PSMC6: variants seen among roughly 807,000 people sequenced by gnomAD.
The protein encoded by PSMC6 is proteasome 26S subunit, ATPase 6.
In PSMC6, 3 loss-of-function variants were observed where a neutral mutation model predicts 55.9. The ratio of observed to expected loss-of-function variants is 0.05; its 90% CI spans 0.02 to 0.14. The LOEUF is 0.14. Among genes scored for constraint, PSMC6 ranks in the 10% least tolerant of loss-of-function variants. The pLI is 1.00. For synonymous variants in PSMC6, 137 were observed against 155.9 expected (o/e 0.88, Z 0.90); for missense variants, 210 against 478.7 (o/e 0.44, Z 5.24).
chr14:52,716,305 A>C (rs182873924), intron 7 of PSMC6, among the ~76,000 whole-genome samples: 14 of 152,258 alleles, frequency 9.2e-5, no homozygotes, highest in Non-Finnish European at 1.8e-4. Context: ...AACTAAAAAT[A>C]GAATTACCAT....
intron 4 of PSMC6, chr14:52,709,067 AT>A: frequency 3.1e-6 from 1 of 322,666 alleles, no homozygotes; most frequent in Non-Finnish European, 5.6e-6. Context: ...AAATAAAAGT[AT>A]TTTAGAACTG....
At chr14:52,721,296 G>A (rs2041887778) in intron 12 of PSMC6, 106 bp downstream of exon 12, 1 of 983,890 alleles carries the variant, frequency 1.0e-6, no homozygotes, top group South Asian at 1.9e-5. Context: ...TTCAGCAAAT[G>A]TGGTGGTTTT....
intron 4 of PSMC6, 110 bp downstream of exon 4, chr14:52,708,926 C>A: frequency 6.7e-7 from 1 of 1,483,254 alleles, no homozygotes; most frequent in Non-Finnish European, 9.1e-7. Flanking sequence ...CCATAACTCA[C>A]AAGGATGATT....
chr14:52,708,594 A>C (rs1346785273), intron 3 of PSMC6, 72 bp downstream of exon 3: 1 of 1,553,214 alleles, frequency 6.4e-7, no homozygotes, highest in African/African-American at 1.4e-5. Context: ...AATGCTTATT[A>C]TTTTAATGAC....
chr14:52,720,253 A>C (rs1594852859), intron 10 of PSMC6, among the ~76,000 whole-genome samples: 1 of 141,978 alleles, frequency 7.0e-6, no homozygotes, highest in South Asian at 2.3e-4. Flanking sequence ...AAGCAGTCCC[A>C]GCTACTCAGG....
In PSMC6 at chr14:52,727,689, T is replaced by G; in HGVS notation, c.*72T>G. On this transcript the variant is annotated 3_prime_UTR_variant, in exon 14 of 14. Transcript: ENST00000445930. Reference sequence around the variant, plus strand: ...GTAAAAATAAAGTTAAAGAAAATAATGTATGTATTGGTAATGATGTCATTA... The same window carrying G: ...GTAAAAATAAAGTTAAAGAAAATAAGGTATGTATTGGTAATGATGTCATTA... 2.0e-6 allele frequency: 2 copies of G among 1,016,600 alleles called. No homozygotes were observed. Among genetic ancestry groups the G allele is most frequent in the East Asian group, 2.4e-5 (1 of 41,138 alleles). The allele number at this position is 1,016,600 out of a possible 1,614,324, so 63.0% of individuals were successfully genotyped here.
intron 9 of PSMC6, 39 bp from the exon 10 acceptor site, chr14:52,718,938 A>G (rs764336126): frequency 1.4e-6 from 2 of 1,473,728 alleles, no homozygotes; most frequent in Non-Finnish European, 1.9e-6. Flanking sequence ...TGTAGAGGAA[A>G]AGAGTAATGC....
At position 52,711,403 on chromosome 14, in the gene PSMC6, A is replaced by C; in HGVS notation, c.327-7A>C. ...TCAAAAGAAAAATACATACCTTTTC[A>C]TTCTAGATATTTGCCGAGAGAGGTG... On this transcript the variant is annotated splice_polypyrimidine_tract_variant and splice_region_variant and intron_variant, in intron 5 of 13. Transcript: ENST00000445930. The C allele has an allele frequency of 6.3e-7, 1 of 1,581,444 alleles. No homozygotes were observed. Among genetic ancestry groups the C allele is most frequent in the Non-Finnish European group, 8.7e-7 (1 of 1,154,800 alleles).
At chr14:52,725,426 G>A (rs1286940159) in intron 13 of PSMC6, among the ~76,000 whole-genome samples, 13 of 152,100 alleles carry the variant, frequency 8.5e-5, no homozygotes, top group Admixed American at 8.5e-4. Context: ...AGACTTGAAG[G>A]CTTTTTTGTT....
Position 52,718,395 on chromosome 14 carries a change from A to G in PSMC6, c.715+43A>G, listed in dbSNP as rs199958968. 3.8e-6 allele frequency: 6 copies of G among 1,569,282 alleles called. No individual in the cohort carries two copies. In the East Asian group the frequency reaches 9.0e-5, roughly 24 times the overall value. On this transcript the variant is annotated intron_variant, in intron 9 of 13. Transcript: ENST00000445930. ...GTTGAAAGTTTTAGGACTTTTTTTTAAATGTAAAAGAACCTTTTTCCCTCT... is the reference window on the plus strand; with the variant it reads ...GTTGAAAGTTTTAGGACTTTTTTTTGAATGTAAAAGAACCTTTTTCCCTCT...
chr14:52,719,057 G>T lies in PSMC6; in HGVS notation c.777+19G>T, dbSNP rs1395754178. 6.4e-7 allele frequency: 1 copy of T among 1,572,556 alleles called. No individual in the cohort carries two copies. The highest frequency in any genetic ancestry group is 1.1e-5 in the South Asian group (1 of 89,264). ...AATGGAGGTAATATTTGGTAAAGGG[G>T]GTTTATAAAGAAACCAATGTTTATT... On this transcript the variant is annotated intron_variant, in intron 10 of 13. Transcript: ENST00000445930.
At chr14:52,714,865 CAAAA>C (rs373579933) in intron 7 of PSMC6, among the ~76,000 whole-genome samples, 1 of 67,100 alleles carries the variant, frequency 1.5e-5, no homozygotes, top group Admixed American at 2.0e-4. Context: ...GACTCCTTCT[CAAAA>C]AAAAAAAAAA....
chr14:52,717,928 T>C (rs1393114475), intron 7 of PSMC6, among the ~76,000 whole-genome samples, 153 bp from the exon 8 acceptor site: 4 of 152,052 alleles, frequency 2.6e-5, no homozygotes, highest in Admixed American at 2.6e-4. Context: ...CTTGGGAGGC[T>C]GAGGTGGGAA....
At chr14:52,723,631 T>G in intron 12 of PSMC6, 1 of 226,394 alleles carries the variant, frequency 4.4e-6, no homozygotes, top group East Asian at 1.1e-4. Flanking sequence ...AAATCCAAGA[T>G]TTGATTACAG....
intron 13 of PSMC6, 97 bp downstream of exon 13, chr14:52,724,133 A>G (rs942778576): frequency 4.5e-5 from 52 of 1,162,284 alleles, no homozygotes; most frequent in Non-Finnish European, 6.0e-5. Flanking sequence ...AGACTTTGCA[A>G]GGATTTGGGT....
intron 4 of PSMC6, among the ~76,000 whole-genome samples, chr14:52,709,282 A>G (rs1486031389): frequency 3.3e-5 from 5 of 152,240 alleles, no homozygotes; most frequent in Non-Finnish European, 7.3e-5. Flanking sequence ...GTTATCAAAG[A>G]TGCCAACAAA....
chr14:52,707,581 T>G, intron 1 of PSMC6: 1 of 379,298 alleles, frequency 2.6e-6, no homozygotes, highest in Non-Finnish European at 4.9e-6. Flanking sequence ...CCGAGGATGT[T>G]TCCCAGGTTA....
At chr14:52,715,856 A>G (rs1197225222) in intron 7 of PSMC6, among the ~76,000 whole-genome samples, 1 of 151,782 alleles carries the variant, frequency 6.6e-6, no homozygotes, top group African/African-American at 2.4e-5. Context: ...GGCTCAAGCA[A>G]CCCGCCCACC....
At chr14:52,712,259 C>T (rs561408264) in intron 6 of PSMC6, among the ~76,000 whole-genome samples, 1 of 152,042 alleles carries the variant, frequency 6.6e-6, no homozygotes, top group African/African-American at 2.4e-5. Flanking sequence ...TTACTAGGCC[C>T]TCTGAGTGGT....
Sources: gnomAD v4.1 joint callset for allele counts (sites outside exome capture counted in the v4.1 genomes callset) on GRCh38, gnomAD v4.1.1 for gene constraint, MANE v1.5 for transcripts, NCBI Gene and HGNC (gene_info 2026-07-23, HGNC 2026-07-21) for gene names.